Variants in SLC16A2 observed in about 807,000 individuals in gnomAD.
SLC16A2 encodes solute carrier family 16 member 2.
In SLC16A2, 3 loss-of-function variants were observed where a neutral mutation model predicts 27.2. The observed-to-expected ratio is 0.11, with a 90% CI of 0.05 to 0.28. The LOEUF (loss-of-function observed/expected upper bound fraction) is 0.28, where lower values mean the gene tolerates loss of function less well. Among genes scored for constraint, SLC16A2 ranks in the 10% least tolerant of loss-of-function variants. SLC16A2 has a pLI of 1.00. For missense variants in SLC16A2, 295 were observed against 458.5 expected (o/e 0.64, Z 3.26); for synonymous variants, 202 against 187.8 (o/e 1.08, Z -0.62).
At chrX:74,524,900 T>A in intron 3 of SLC16A2, 91 bp downstream of exon 3, 1 of 798,024 alleles carries the variant, frequency 1.3e-6, no homozygotes, top group Non-Finnish European at 1.9e-6. Context: ...TGGGAGACAT[T>A]GAAAGGGCAG....
intron 4 of SLC16A2, among the ~76,000 whole-genome samples, chrX:74,528,961 T>G (rs1930525129): frequency 8.9e-6 from 1 of 112,020 alleles, no homozygotes; most frequent in Non-Finnish European, 1.9e-5. Context: ...AGGGGCCAAG[T>G]ATCCCCCAAC....
At chrX:74,423,156 AGGGATTCAGACGAAGACG>A (rs1209489087) in intron 1 of SLC16A2, among the ~76,000 whole-genome samples, 2 of 112,532 alleles carry the variant, frequency 1.8e-5, no homozygotes, top group East Asian at 5.6e-4. Flanking sequence ...AGTTCTGGTG[AGGGATTCAGACGAAGACG>A]GGGGATTGGG....
At chrX:74,513,364 C>A (rs960458352) in intron 1 of SLC16A2, among the ~76,000 whole-genome samples, 5 of 111,633 alleles carry the variant, frequency 4.5e-5, no homozygotes, top group Non-Finnish European at 9.4e-5. Flanking sequence ...CATATAAGAG[C>A]AGGGGTAATT....
intron 1 of SLC16A2, among the ~76,000 whole-genome samples, chrX:74,501,710 A>G (rs1264526598): frequency 9.0e-6 from 1 of 111,367 alleles, no homozygotes; most frequent in African/African-American, 3.3e-5. Flanking sequence ...GCCTAAGGGT[A>G]TGGCCTCAGC....
At chrX:74,507,039 TCCTA>T (rs1930146825) in intron 1 of SLC16A2, among the ~76,000 whole-genome samples, 1 of 108,151 alleles carries the variant, frequency 9.2e-6, no homozygotes. Context: ...CAAGCGATCC[TCCTA>T]CCTCAACACC....
chrX:74,429,731 G>A (rs772108953), intron 1 of SLC16A2, among the ~76,000 whole-genome samples: 2 of 112,022 alleles, frequency 1.8e-5, no homozygotes, highest in African/African-American at 3.3e-5. Context: ...TGTGATGTCT[G>A]TCCAAGCCGG....
At chrX:74,453,078 C>G (rs1195329323) in intron 1 of SLC16A2, among the ~76,000 whole-genome samples, 1 of 104,819 alleles carries the variant, frequency 9.5e-6, no homozygotes, top group African/African-American at 3.5e-5. Flanking sequence ...GACAGGGTCT[C>G]GCTCTGCCAC....
chrX:74,512,778 C>T (rs777069725), intron 1 of SLC16A2, among the ~76,000 whole-genome samples: 31 of 111,880 alleles, frequency 2.8e-4, no homozygotes, highest in Non-Finnish European at 5.6e-4. Flanking sequence ...AGTAAAAAGA[C>T]TTTGAGGATG....
intron 1 of SLC16A2, among the ~76,000 whole-genome samples, chrX:74,493,450 C>A (rs1929872502): frequency 8.9e-6 from 1 of 112,001 alleles, no homozygotes; most frequent in Non-Finnish European, 1.9e-5. Flanking sequence ...GAACGTGGGG[C>A]TCCCCAACAC....
Position 74,531,520 on chromosome X carries a change from G to T in SLC16A2, c.1587G>T (p.Leu529=). 8.3e-7 allele frequency: 1 copy of T among 1,209,025 alleles called. No homozygotes were observed. Among genetic ancestry groups the T allele is most frequent in the Non-Finnish European group, 1.1e-6 (1 of 893,677 alleles). Residue 529 remains leucine (L), a synonymous_variant, in exon 6 of 6, where the codon CTG becomes CTT. Transcript: ENST00000587091. ...APDPDPNGEL[L]PGSPNPEEPI is the part of the protein sequence containing the mutation. ...ACCCAGACCCCAATGGGGAGCTACT[G>T]CCGGGCTCCCCCAACCCTGAGGAAC...
intron 1 of SLC16A2, among the ~76,000 whole-genome samples, chrX:74,429,421 A>G (rs1928491440): frequency 9.1e-6 from 1 of 109,383 alleles, no homozygotes; most frequent in East Asian, 2.9e-4. Context: ...GCAATGAGCC[A>G]TGATCACACC....
chrX:74,497,455 G>A (rs1209250237), intron 1 of SLC16A2, among the ~76,000 whole-genome samples: 1 of 110,258 alleles, frequency 9.1e-6, no homozygotes, highest in Non-Finnish European at 1.9e-5. Flanking sequence ...GCTTGGAGGA[G>A]AGCTGAGGCT....
At chrX:74,482,778 G>C (rs1230949608) in intron 1 of SLC16A2, among the ~76,000 whole-genome samples, 1 of 110,533 alleles carries the variant, frequency 9.0e-6, no homozygotes, top group African/African-American at 3.3e-5. Context: ...GCTTGCTGCA[G>C]CCTTGACTTC....
intron 1 of SLC16A2, among the ~76,000 whole-genome samples, chrX:74,481,258 A>G (rs1050635811): frequency 2.7e-5 from 3 of 112,166 alleles, no homozygotes; most frequent in African/African-American, 9.7e-5. Context: ...CTCCTGTTCT[A>G]GAAGATTTTG....
At chrX:74,468,164 T>G (rs948150538) in intron 1 of SLC16A2, among the ~76,000 whole-genome samples, 7 of 111,888 alleles carry the variant, frequency 6.3e-5, no homozygotes, top group African/African-American at 2.3e-4. Flanking sequence ...TGGTTTTTAG[T>G]AAATTCACAG....
chrX:74,475,752 G>T (rs758876157), intron 1 of SLC16A2, among the ~76,000 whole-genome samples: 206 of 111,677 alleles, frequency 1.8e-3, no homozygotes, highest in Non-Finnish European at 2.6e-3. Context: ...TTTCCCCATT[G>T]CTTGTTTTTC....
intron 1 of SLC16A2, among the ~76,000 whole-genome samples, chrX:74,451,365 C>G (rs150119446): frequency 0.016 from 1,836 of 112,166 alleles, 36 homozygotes; most frequent in African/African-American, 0.056. Flanking sequence ...CTCATACCTC[C>G]CTCCTCCTTG....
intron 1 of SLC16A2, among the ~76,000 whole-genome samples, chrX:74,477,411 T>C (rs770557867): frequency 1.8e-5 from 2 of 111,928 alleles, no homozygotes; most frequent in East Asian, 5.6e-4. Context: ...ATCCATTTTG[T>C]TGATCTTTTC....
intron 1 of SLC16A2, among the ~76,000 whole-genome samples, chrX:74,462,989 A>G (rs980441745): frequency 5.4e-5 from 6 of 111,764 alleles, no homozygotes; most frequent in Non-Finnish European, 9.4e-5. Context: ...TTGTGGCTCA[A>G]TTTACCCACT....
Sources: gnomAD v4.1 joint callset for allele counts (sites outside exome capture counted in the v4.1 genomes callset) on GRCh38, gnomAD v4.1.1 for gene constraint, MANE v1.5 for transcripts, NCBI Gene and HGNC (gene_info 2026-07-23, HGNC 2026-07-21) for gene names.